Variants in MYCBP2 observed in about 807,000 individuals in gnomAD.
MYCBP2 encodes the protein MYC binding protein 2, also known as E3 ubiquitin-protein ligase MYCBP2.
A neutral mutation model predicts 525.3 loss-of-function variants in MYCBP2; 120 were observed. That is an observed-to-expected ratio of 0.23 (90% CI 0.20 to 0.27). The LOEUF is 0.27. Among genes scored for constraint, MYCBP2 ranks in the 10% least tolerant of loss-of-function variants. MYCBP2 has a pLI of 1.00. For missense variants in MYCBP2, 4,149 were observed against 5,657.1 expected (o/e 0.73, Z 8.55); for synonymous variants, 1,894 against 1,955.8 (o/e 0.97, Z 0.83).
At position 77,055,756 on chromosome 13, in the gene MYCBP2, A is replaced by C. The variant is rs201721664; in HGVS notation, c.13449T>G (p.Asn4483Lys). 1.9e-6 allele frequency: 3 copies of C among 1,610,432 alleles called. No homozygotes were observed. Among genetic ancestry groups the C allele is most frequent in the African/African-American group, 1.3e-5 (1 of 74,878 alleles). The part of the protein sequence containing the change: ...ISCPICKNKI[N>K]HIVLKDLLDP... ...CAAGTAGGTCTTTTAGTACTATGTG[A>C]TTAATTTTGTTCTGCAATAAAAAAT... Residue 4483 changes from asparagine to lysine, a missense_variant, in exon 80 of 83, where the codon AAT (asparagine) becomes AAG (lysine). This residue lies in a region of MYCBP2 where 220 missense variants were observed against 396.0 expected (regional missense o/e 0.56). Coordinates refer to ENST00000544440, the MANE Select transcript of MYCBP2 (RefSeq NM_015057.5).
At chr13:77,213,187 A>G (rs1001991722) in intron 21 of MYCBP2, among the ~76,000 whole-genome samples, 1 of 152,192 alleles carries the variant, frequency 6.6e-6, no homozygotes, top group African/African-American at 2.4e-5. Flanking sequence ...CAAAAATGTA[A>G]ACAGGGGCCA....
intron 3 of MYCBP2, among the ~76,000 whole-genome samples, chr13:77,279,782 T>A (rs1267481461): frequency 6.6e-6 from 1 of 152,214 alleles, no homozygotes; most frequent in Non-Finnish European, 1.5e-5. Flanking sequence ...TACTAGACCC[T>A]GTCCTCTAAG....
At chr13:77,045,639 C>A in intron 82 of MYCBP2, 146 bp from the exon 83 acceptor site, 3 of 622,762 alleles carry the variant, frequency 4.8e-6, no homozygotes. Flanking sequence ...AATTTTTCTT[C>A]TGATCACAAA....
chr13:77,093,557 T>A lies in MYCBP2; in HGVS notation c.10200-225A>T, dbSNP rs528664924. ...CAAATCCAAAATTGAACTCAGTTTC[T>A]TTCCTTTTGAGAACTTTTCCATCTT... is the stretch of plus-strand genomic sequence containing the variant. On this transcript the variant is annotated intron_variant, in intron 58 of 82. Transcript: ENST00000544440. Among the ~76,000 whole-genome samples the A allele has an allele frequency of 5.9e-5, 9 of 152,318 alleles. No individual in the cohort carries two copies. The South Asian group carries it at 1.9e-3, about 32-fold the overall frequency.
intron 55 of MYCBP2, among the ~76,000 whole-genome samples, chr13:77,108,016 T>C (rs1324441149): frequency 6.6e-6 from 1 of 151,632 alleles, no homozygotes; most frequent in African/African-American, 2.4e-5. Context: ...TATATAACTG[T>C]ATTTATGTAA....
chr13:77,163,168 A>G (rs2058141181), intron 43 of MYCBP2, among the ~76,000 whole-genome samples: 1 of 152,230 alleles, frequency 6.6e-6, no homozygotes, highest in Non-Finnish European at 1.5e-5. Flanking sequence ...AAGCACTGCT[A>G]TATTAATCCA....
chr13:77,208,622 G>C (rs1442031264), intron 23 of MYCBP2, among the ~76,000 whole-genome samples: 3 of 151,996 alleles, frequency 2.0e-5, no homozygotes, highest in African/African-American at 7.3e-5. Context: ...GAGTAGGTAT[G>C]TTTTTATTTA....
At chr13:77,111,218 C>T (rs1376901177) in intron 55 of MYCBP2, among the ~76,000 whole-genome samples, 1 of 152,120 alleles carries the variant, frequency 6.6e-6, no homozygotes, top group African/African-American at 2.4e-5. Context: ...TGTCAGTCAA[C>T]AATGCCATCT....
In MYCBP2 at chr13:77,186,010, G is replaced by A; in HGVS notation, c.4305C>T (p.Val1435=). 1.2e-6 allele frequency: 2 copies of A among 1,612,706 alleles called. No individual in the cohort carries two copies. The highest frequency in any genetic ancestry group is 2.2e-5 in the East Asian group (1 of 44,820). Reference sequence around the variant, plus strand: ...ATCCTCTAAGTTCTTCAACTCCTAAGACTAAGGTGGTCCAGCTCCAGTGAA... The same window carrying A: ...ATCCTCTAAGTTCTTCAACTCCTAAAACTAAGGTGGTCCAGCTCCAGTGAA... The part of the protein sequence containing the change: ...SILHWSWTTL[V]LGVEELRGLK... The change falls in exon 31 of 83, where the codon GTC becomes GTT. Residue 1435 remains valine (V), a synonymous_variant. Transcript: ENST00000544440.
intron 52 of MYCBP2, among the ~76,000 whole-genome samples, chr13:77,131,734 A>C (rs1461537594): frequency 6.6e-6 from 1 of 152,172 alleles, no homozygotes; most frequent in South Asian, 2.1e-4. Context: ...TATATATAAA[A>C]TAACATTTCA....
rs1177847555 is a variant in MYCBP2 at position 77,327,085 on chromosome 13, A to T, written c.-310T>A. The T allele has an allele frequency of 4.6e-6, 2 of 436,626 alleles. No individual in the cohort carries two copies. Among genetic ancestry groups the T allele is most frequent in the African/African-American group, 2.1e-5 (1 of 48,624 alleles). 27.0% of individuals were successfully genotyped at this position (436,626 alleles called of 1,614,324 possible). ...GCCACCACCGCCGGGGCTACCCGCA[A>T]TGGGAAGCTGCCGGCCTCACAGAGC... On this transcript the variant is annotated 5_prime_UTR_variant, in exon 1 of 83. In the 5' UTR this introduces an upstream ATG that the reference lacks. Coordinates refer to ENST00000544440, the MANE Select transcript of MYCBP2 (RefSeq NM_015057.5).
chr13:77,047,685 A>G (rs1488210862), intron 82 of MYCBP2, among the ~76,000 whole-genome samples: 2 of 152,176 alleles, frequency 1.3e-5, no homozygotes, highest in African/African-American at 4.8e-5. Context: ...GCACAGACAG[A>G]AAAACCTTCA....
intron 55 of MYCBP2, among the ~76,000 whole-genome samples, chr13:77,106,000 G>T (rs2047793736): frequency 6.6e-6 from 1 of 152,068 alleles, no homozygotes; most frequent in African/African-American, 2.4e-5. Flanking sequence ...AAGTACTGAT[G>T]ATAATAATAA....
At position 77,198,168 on chromosome 13, in the gene MYCBP2, T is replaced by G. The variant is rs1456074106; in HGVS notation, c.3844-3924A>C. 2.0e-5 allele frequency among the ~76,000 whole-genome samples: 3 copies of G among 152,348 alleles called. No homozygotes were observed. In the East Asian group the frequency reaches 5.8e-4, roughly 29 times the overall value. ...AATAACCATTTTAAAGCAGTTGCAC[T>G]GAAATGAGCCAAACTACTATTTTTC... On this transcript the variant is annotated intron_variant, in intron 26 of 82. Transcript: ENST00000544440.
intron 2 of MYCBP2, among the ~76,000 whole-genome samples, chr13:77,292,818 C>T (rs918749585): frequency 4.0e-5 from 6 of 151,758 alleles, no homozygotes; most frequent in Non-Finnish European, 7.4e-5. Flanking sequence ...ATTAGCTGGA[C>T]GTGGTGGCTG....
chr13:77,157,187 T>A (rs1166648758), intron 45 of MYCBP2, among the ~76,000 whole-genome samples: 1 of 152,140 alleles, frequency 6.6e-6, no homozygotes, highest in Non-Finnish European at 1.5e-5. Context: ...TGAGCAATCC[T>A]CCCACCTCAG....
At chr13:77,105,175 A>G (rs2047661848) in intron 55 of MYCBP2, among the ~76,000 whole-genome samples, 1 of 152,172 alleles carries the variant, frequency 6.6e-6, no homozygotes, top group South Asian at 2.1e-4. Context: ...AAGACTCCAC[A>G]TAGCAGGAAG....
intron 47 of MYCBP2, among the ~76,000 whole-genome samples, chr13:77,150,505 G>A (rs903970098): frequency 6.6e-6 from 1 of 152,050 alleles, no homozygotes; most frequent in African/African-American, 2.4e-5. Flanking sequence ...TCTCTGATTC[G>A]ATTAACTTGA....
intron 31 of MYCBP2, 84 bp downstream of exon 31, chr13:77,185,787 T>C: frequency 9.6e-7 from 1 of 1,043,360 alleles, no homozygotes; most frequent in South Asian, 2.1e-5. Context: ...CTGGGGGGCA[T>C]AAACTCTCAG....
Sources: allele counts gnomAD v4.1 joint callset (sites outside exome capture counted in the v4.1 genomes callset), GRCh38; gene constraint gnomAD v4.1.1; regional missense constraint gnomAD v4.1.1; transcripts MANE v1.5; gene names NCBI Gene and HGNC (gene_info 2026-07-23, HGNC 2026-07-21).